ACTR2: variants seen among roughly 807,000 people sequenced by gnomAD.
ACTR2 encodes actin related protein 2.
A neutral mutation model predicts 50.2 loss-of-function variants in ACTR2; 5 were observed. The ratio of observed to expected loss-of-function variants is 0.10; its 90% CI spans 0.05 to 0.21. ACTR2 has a LOEUF of 0.21. ACTR2 is among the 10% of genes least tolerant of loss of function. ACTR2 has a pLI of 1.00. For synonymous variants in ACTR2, 140 were observed against 162.9 expected, an observed-to-expected ratio of 0.86 and a Z score of 1.07; for missense variants, 180 against 480.6, an observed-to-expected ratio of 0.37 and a Z score of 5.85.
intron 2 of ACTR2, among the ~76,000 whole-genome samples, chr2:65,244,192 C>A (rs1270923305): frequency 6.6e-6 from 1 of 151,826 alleles, no homozygotes; most frequent in Admixed American, 6.6e-5. Flanking sequence ...AATGTAAGCC[C>A]CTATTTGTAC....
intron 1 of ACTR2, among the ~76,000 whole-genome samples, chr2:65,238,674 A>AG (rs1671784823): frequency 7.3e-6 from 1 of 136,452 alleles, no homozygotes; most frequent in African/African-American, 2.8e-5. Flanking sequence ...AAAAAAAAAA[A>AG]GTAAATAGCT....
chr2:65,240,558 C>A (rs577377997), intron 2 of ACTR2, among the ~76,000 whole-genome samples: 12 of 152,180 alleles, frequency 7.9e-5, no homozygotes, highest in African/African-American at 2.6e-4. Context: ...ATTGCCTACT[C>A]GCTGTATTTA....
At chr2:65,247,923 A>G (rs1410085825) in intron 3 of ACTR2, among the ~76,000 whole-genome samples, 1 of 152,180 alleles carries the variant, frequency 6.6e-6, no homozygotes, top group African/African-American at 2.4e-5. Flanking sequence ...CAGACAGGGT[A>G]AGTGAGTTAG....
At chr2:65,234,893 G>T (rs7590409) in intron 1 of ACTR2, among the ~76,000 whole-genome samples, 49,625 of 151,868 alleles carry the variant, frequency 0.33, 9,027 homozygotes, top group African/African-American at 0.47. Flanking sequence ...ATTTTCATCC[G>T]GATAAATGGA....
chr2:65,249,567 G>A (rs750339816), intron 3 of ACTR2, among the ~76,000 whole-genome samples: 3 of 152,184 alleles, frequency 2.0e-5, no homozygotes, highest in Admixed American at 6.5e-5. Context: ...TAATTGATGA[G>A]TATGTGTTTC....
At chr2:65,268,162 T>TTGACAGCAAAGTGACTTTCCC (rs1672420231) in intron 8 of ACTR2, among the ~76,000 whole-genome samples, 1 of 152,178 alleles carries the variant, frequency 6.6e-6, no homozygotes, top group African/African-American at 2.4e-5. Flanking sequence ...CAGACTTTGC[T>TTGACAGCAAAGTGACTTTCCC]TGACAGCAAA....
Position 65,250,887 on chromosome 2 carries a change from G to T in ACTR2, c.376-140G>T, listed in dbSNP as rs148562659. ...AGGACTTCAATAAGAAATAAGAGGA[G>T]CTGATGAAAATGGAAGACTATTTCA... On this transcript the variant is annotated intron_variant, in intron 3 of 8. Coordinates refer to ENST00000260641, the MANE Select transcript of ACTR2 (RefSeq NM_005722.4). The T allele has an allele frequency of 2.0e-4, 99 of 498,710 alleles. No homozygotes were observed. The Middle Eastern group carries it at 3.9e-3, about 19-fold the overall frequency. The allele number at this position is 498,710 out of a possible 1,614,324, so 30.9% of individuals were successfully genotyped here. A position where few individuals can be genotyped will look rare whatever the true frequency, so the allele number is the denominator to read the frequency against.
At chr2:65,246,913 A>G (rs1671948147) in intron 3 of ACTR2, among the ~76,000 whole-genome samples, 174 bp downstream of exon 3, 1 of 152,186 alleles carries the variant, frequency 6.6e-6, no homozygotes, top group Admixed American at 6.5e-5. Flanking sequence ...AGGATAGATC[A>G]GTAAACAAAA....
chr2:65,260,445 G>A (rs142614538), intron 6 of ACTR2, among the ~76,000 whole-genome samples: 1,593 of 152,314 alleles, frequency 0.01, 32 homozygotes, highest in African/African-American at 0.037. Flanking sequence ...GACAGAGGTT[G>A]CAGTGAGCCG....
At chr2:65,232,817 A>G (rs553060347) in intron 1 of ACTR2, among the ~76,000 whole-genome samples, 1 of 152,210 alleles carries the variant, frequency 6.6e-6, no homozygotes, top group Non-Finnish European at 1.5e-5. Context: ...AGAGGAAACT[A>G]TATATGGTAA....
intron 6 of ACTR2, among the ~76,000 whole-genome samples, chr2:65,256,952 A>T (rs1373629221): frequency 6.6e-6 from 1 of 151,182 alleles, no homozygotes; most frequent in East Asian, 1.9e-4. Context: ...TTTTAAATTT[A>T]TTTTTTATTA....
chr2:65,261,634 T>C (rs765150087), intron 7 of ACTR2, among the ~76,000 whole-genome samples: 1 of 152,238 alleles, frequency 6.6e-6, no homozygotes, highest in Non-Finnish European at 1.5e-5. Flanking sequence ...CATTCTGTTT[T>C]TTCTGAACCG....
chr2:65,247,896 A>G (rs1222776093), intron 3 of ACTR2, among the ~76,000 whole-genome samples: 1 of 152,172 alleles, frequency 6.6e-6, no homozygotes, highest in Non-Finnish European at 1.5e-5. Flanking sequence ...ATAGGTTGTG[A>G]GAAGGTGATG....
At chr2:65,238,865 G>T (rs539288651) in intron 1 of ACTR2, among the ~76,000 whole-genome samples, 38 of 151,654 alleles carry the variant, frequency 2.5e-4, no homozygotes, top group African/African-American at 9.0e-4. Flanking sequence ...CTACTTGGGA[G>T]GCTAAGGCAG....
chr2:65,262,673 T>A (rs1672290903), intron 7 of ACTR2, among the ~76,000 whole-genome samples: 1 of 152,106 alleles, frequency 6.6e-6, no homozygotes, highest in South Asian at 2.1e-4. Flanking sequence ...AAGAGTGAAG[T>A]CAAACCAGGG....
At chr2:65,239,703 C>T (rs1014568351) in intron 1 of ACTR2, 149 bp from the exon 2 acceptor site, 7 of 620,742 alleles carry the variant, frequency 1.1e-5, no homozygotes, top group East Asian at 3.0e-5. Flanking sequence ...GGAGATGTTG[C>T]GATAGATTGA....
intron 8 of ACTR2, among the ~76,000 whole-genome samples, chr2:65,265,829 A>C (rs1261004502): frequency 6.6e-6 from 1 of 152,208 alleles, no homozygotes; most frequent in Admixed American, 6.5e-5. Flanking sequence ...GAGTTATCTA[A>C]TCCTGAGTTA....
chr2:65,243,550 G>T (rs977073525), intron 2 of ACTR2, among the ~76,000 whole-genome samples: 1 of 152,038 alleles, frequency 6.6e-6, no homozygotes, highest in African/African-American at 2.4e-5. Flanking sequence ...TATTGCTTGA[G>T]CCCAGAAGTT....
chr2:65,235,849 A>G (rs1671730385), intron 1 of ACTR2, among the ~76,000 whole-genome samples: 1 of 152,224 alleles, frequency 6.6e-6, no homozygotes, highest in Non-Finnish European at 1.5e-5. Flanking sequence ...GTGGCTCAAT[A>G]TAAACTAAGA....
Sources: allele counts gnomAD v4.1 joint callset (sites outside exome capture counted in the v4.1 genomes callset), GRCh38; gene constraint gnomAD v4.1.1; transcripts MANE v1.5; gene names NCBI Gene and HGNC (gene_info 2026-07-23, HGNC 2026-07-21).